Variants in KCTD8 observed in about 807,000 individuals in gnomAD.
The protein encoded by KCTD8 is potassium channel tetramerization domain containing 8.
A neutral mutation model predicts 31.5 loss-of-function variants in KCTD8; 27 were observed. That is an observed-to-expected ratio of 0.86 (90% confidence interval 0.63 to 1.18). The LOEUF is 1.18. Ranked by LOEUF, KCTD8 falls within the 50% of genes most tolerant of loss-of-function variation. KCTD8 has a pLI of 0.00. For missense variants in KCTD8, 658 were observed against 647.7 expected, an observed-to-expected ratio of 1.02 and a Z score of -0.17; for synonymous variants, 290 against 280.0, an observed-to-expected ratio of 1.04 and a Z score of -0.36.
intron 1 of KCTD8, among the ~76,000 whole-genome samples, chr4:44,355,178 A>G (rs1302018977): frequency 2.5e-4 from 38 of 152,200 alleles, no homozygotes; most frequent in Non-Finnish European, 4.4e-5. Context: ...TCGACAAAGC[A>G]TTATTTAAAA....
chr4:44,399,501 G>A lies in KCTD8; in HGVS notation c.961+48062C>T, dbSNP rs530563084. Among the ~76,000 whole-genome samples the A allele has an allele frequency of 9.8e-5, 15 of 152,288 alleles. No individual in the cohort carries two copies. In the South Asian group the frequency reaches 3.1e-3, roughly 32 times the overall value. ...GGAAAAGGGTGAGATCTAACTCAGA[G>A]GTGGACGAGTTATCCTCGGTAAAGA... On this transcript the variant is annotated intron_variant, in intron 1 of 1. Coordinates refer to ENST00000360029, the MANE Select transcript of KCTD8 (RefSeq NM_198353.3).
intron 1 of KCTD8, among the ~76,000 whole-genome samples, chr4:44,411,601 A>G (rs1031340273): frequency 6.6e-6 from 1 of 152,124 alleles, no homozygotes; most frequent in Non-Finnish European, 1.5e-5. Flanking sequence ...AATATGCTGA[A>G]ATCCCAATCC....
intron 1 of KCTD8, among the ~76,000 whole-genome samples, chr4:44,323,902 C>T (rs1718372237): frequency 6.6e-6 from 1 of 151,866 alleles, no homozygotes; most frequent in Non-Finnish European, 1.5e-5. Context: ...CCATTATAGA[C>T]TGTTCTAGGA....
intron 1 of KCTD8, among the ~76,000 whole-genome samples, chr4:44,181,727 G>A (rs966813205): frequency 1.3e-5 from 2 of 151,862 alleles, no homozygotes; most frequent in Non-Finnish European, 2.9e-5. Context: ...GATGCCAGGA[G>A]CCCCTCTGCC....
intron 1 of KCTD8, among the ~76,000 whole-genome samples, chr4:44,181,277 C>T (rs370689522): frequency 4.1e-5 from 6 of 147,304 alleles, no homozygotes; most frequent in East Asian, 4.0e-4. Flanking sequence ...CTCTTTCCAC[C>T]GTCTCCCTCT....
Position 44,175,083 on chromosome 4 carries a change from G to A in KCTD8, c.1129C>T (p.Gln377Ter), listed in dbSNP as rs1220125757. ...TTAGGTTGGTGAGCTGTTGCCTGCTGGGCACTGGATGGGTTGTCCTGGGGA... is the reference window on the plus strand; with the variant it reads ...TTAGGTTGGTGAGCTGTTGCCTGCTAGGCACTGGATGGGTTGTCCTGGGGA... ...STPQDNPSSA[Q>*]QATAHQPNTL... is the part of the protein sequence containing the mutation. The change falls in exon 2 of 2, where the codon CAG becomes TAG. Residue 377 changes from glutamine to a stop codon, truncating the protein, a stop_gained. Transcript: ENST00000360029. LOFTEE classifies it high-confidence loss of function. The A allele has an allele frequency of 6.2e-7, 1 of 1,614,014 alleles. No homozygotes were observed. Among genetic ancestry groups the A allele is most frequent in the Non-Finnish European group, 8.5e-7 (1 of 1,179,972 alleles).
At chr4:44,346,788 A>G (rs1056987034) in intron 1 of KCTD8, among the ~76,000 whole-genome samples, 2 of 152,204 alleles carry the variant, frequency 1.3e-5, no homozygotes, top group Admixed American at 6.5e-5. Context: ...TTACGTATAT[A>G]TGTTTTAGTT....
intron 1 of KCTD8, among the ~76,000 whole-genome samples, chr4:44,410,016 T>A (rs932451564): frequency 1.3e-5 from 2 of 152,180 alleles, no homozygotes; most frequent in Non-Finnish European, 2.9e-5. Context: ...ATAAAATGAC[T>A]AGTATCATTA....
intron 1 of KCTD8, among the ~76,000 whole-genome samples, chr4:44,399,813 A>G (rs1018323331): frequency 1.3e-5 from 2 of 152,214 alleles, no homozygotes; most frequent in Non-Finnish European, 2.9e-5. Context: ...AAGTGGGAGT[A>G]TGTTTCCCTC....
intron 1 of KCTD8, among the ~76,000 whole-genome samples, chr4:44,198,000 A>G (rs1233285836): frequency 2.6e-5 from 4 of 152,226 alleles, no homozygotes; most frequent in Admixed American, 1.3e-4. Context: ...TAAAAAATTC[A>G]TAATACAGTC....
chr4:44,257,709 C>G (rs1481143676), intron 1 of KCTD8, among the ~76,000 whole-genome samples: 1 of 151,970 alleles, frequency 6.6e-6, no homozygotes, highest in Admixed American at 6.6e-5. Flanking sequence ...TCGGTGCCAG[C>G]TGCTCTCTGC....
At chr4:44,426,198 T>G (rs1577667266) in intron 1 of KCTD8, among the ~76,000 whole-genome samples, 1 of 150,560 alleles carries the variant, frequency 6.6e-6, no homozygotes, top group South Asian at 2.1e-4. Flanking sequence ...AGAAAAAGGG[T>G]TAGAAAAAAA....
chr4:44,231,696 C>T (rs1300113579), intron 1 of KCTD8, among the ~76,000 whole-genome samples: 3 of 152,054 alleles, frequency 2.0e-5, no homozygotes, highest in African/African-American at 7.2e-5. Flanking sequence ...GAAAGGCATA[C>T]TACAAAAAAT....
chr4:44,227,299 C>T (rs891993289), intron 1 of KCTD8, among the ~76,000 whole-genome samples: 1 of 152,158 alleles, frequency 6.6e-6, no homozygotes, highest in African/African-American at 2.4e-5. Context: ...AATAGGGAAT[C>T]CTTTCTCCAT....
chr4:44,410,633 T>A (rs147854743), intron 1 of KCTD8, among the ~76,000 whole-genome samples: 5 of 152,252 alleles, frequency 3.3e-5, no homozygotes, highest in African/African-American at 1.2e-4. Context: ...TGCAGAGGTC[T>A]CACAATCATA....
chr4:44,192,731 A>G (rs780616347), intron 1 of KCTD8, among the ~76,000 whole-genome samples: 1 of 152,150 alleles, frequency 6.6e-6, no homozygotes, highest in Non-Finnish European at 1.5e-5. Flanking sequence ...TTGCCAAAGG[A>G]GATTAACATT....
At chr4:44,389,366 C>T (rs1026746274) in intron 1 of KCTD8, among the ~76,000 whole-genome samples, 2 of 151,444 alleles carry the variant, frequency 1.3e-5, no homozygotes, top group African/African-American at 4.8e-5. Context: ...ACATTGCACA[C>T]GTGTATCAAA....
intron 1 of KCTD8, among the ~76,000 whole-genome samples, chr4:44,403,301 TA>T (rs1166710165): frequency 6.6e-5 from 10 of 151,746 alleles, no homozygotes; most frequent in African/African-American, 2.2e-4. Context: ...ATCTCAATAA[TA>T]AAAAAATATA....
intron 1 of KCTD8, among the ~76,000 whole-genome samples, chr4:44,361,006 C>T (rs188068671): frequency 7.4e-4 from 113 of 152,080 alleles, no homozygotes; most frequent in Non-Finnish European, 1.1e-3. Flanking sequence ...TCCCTGAGAG[C>T]CATCATTAAA....
Sources: gnomAD v4.1 joint callset for allele counts (sites outside exome capture counted in the v4.1 genomes callset) on GRCh38, gnomAD v4.1.1 for gene constraint, MANE v1.5 for transcripts, NCBI Gene and HGNC (gene_info 2026-07-23, HGNC 2026-07-21) for gene names.